The following AKR1C8 variants were observed in gnomAD, a reference collection of about 807,000 sequenced individuals.
The protein encoded by AKR1C8 is aldo-keto reductase family 1 member C-like protein 1.
chr10:5,179,454 A>G, the AKR1C8 span, among the ~76,000 whole-genome samples: 11 of 152,140 alleles, frequency 7.2e-5, no homozygotes, highest in East Asian at 1.2e-3. Context: ...ACAATTATGT[A>G]TCTTGGAGTT....
At chr10:5,121,806 A>G in the AKR1C8 span, among the ~76,000 whole-genome samples, 1 of 152,162 alleles carries the variant, frequency 6.6e-6, no homozygotes, top group African/African-American at 2.4e-5. Context: ...TCTAATGGGT[A>G]AGAGCGTCCA....
At chr10:5,150,493 A>T in the AKR1C8 span, among the ~76,000 whole-genome samples, 3 of 152,096 alleles carry the variant, frequency 2.0e-5, no homozygotes, top group Non-Finnish European at 4.4e-5. Context: ...CACTCAAAGA[A>T]AGTTAAACAC....
At chr10:5,161,430 T>C in the AKR1C8 span, among the ~76,000 whole-genome samples, 1 of 152,152 alleles carries the variant, frequency 6.6e-6, no homozygotes, top group South Asian at 2.1e-4. Flanking sequence ...CAGGTATCTC[T>C]CTTTTGTTGG....
the AKR1C8 span, among the ~76,000 whole-genome samples, chr10:5,182,707 C>G: frequency 6.6e-6 from 1 of 151,918 alleles, no homozygotes; most frequent in South Asian, 2.1e-4. Context: ...CTCAGGAGTT[C>G]GAGACCAGCC....
At chr10:5,128,356 T>C in the AKR1C8 span, among the ~76,000 whole-genome samples, 2 of 152,108 alleles carry the variant, frequency 1.3e-5, no homozygotes. Context: ...ACAAATCCTA[T>C]AAAACAATAA....
the AKR1C8 span, chr10:5,132,454 T>G: frequency 3.0e-6 from 2 of 677,408 alleles, no homozygotes; most frequent in Non-Finnish European, 4.2e-6. Context: ...TTTGCCGCCT[T>G]TTATTTTAGT....
the AKR1C8 span, among the ~76,000 whole-genome samples, chr10:5,165,382 C>A: frequency 6.6e-6 from 1 of 152,108 alleles, no homozygotes; most frequent in East Asian, 1.9e-4. Flanking sequence ...CCCTACAACA[C>A]CTCCTAGGGG....
At chr10:5,183,481 C>A in the AKR1C8 span, among the ~76,000 whole-genome samples, 3 of 152,278 alleles carry the variant, frequency 2.0e-5, no homozygotes, top group African/African-American at 7.2e-5. Context: ...CAAATTATTT[C>A]TTCTCACATA....
At chr10:5,145,067 G>A in the AKR1C8 span, among the ~76,000 whole-genome samples, 1 of 151,790 alleles carries the variant, frequency 6.6e-6, no homozygotes, top group Non-Finnish European at 1.5e-5. Flanking sequence ...TTTATTGAGA[G>A]TTTTTAGCAT....
At chr10:5,161,725 A>G in the AKR1C8 span, 31 of 534,468 alleles carry the variant, frequency 5.8e-5, no homozygotes, top group South Asian at 3.8e-4. Context: ...AGTTTTGGCA[A>G]TCCTATGCAC....
At chr10:5,130,762 C>A in the AKR1C8 span, among the ~76,000 whole-genome samples, 22 of 151,794 alleles carry the variant, frequency 1.4e-4, no homozygotes, top group Non-Finnish European at 3.2e-4. Context: ...TAAAACACTG[C>A]TAAAAGAAAT....
the AKR1C8 span, among the ~76,000 whole-genome samples, chr10:5,153,912 A>G: frequency 6.6e-6 from 1 of 152,348 alleles, no homozygotes; most frequent in East Asian, 1.9e-4. Flanking sequence ...TAAGGAAAGA[A>G]TTACAGGTCT....
the AKR1C8 span, among the ~76,000 whole-genome samples, chr10:5,175,907 T>C: frequency 1.5e-3 from 226 of 152,274 alleles, 1 homozygote; most frequent in African/African-American, 5.1e-3. Flanking sequence ...GTTGCGAAAA[T>C]TTTCTCCCAT....
chr10:5,141,239 T>C, the AKR1C8 span, among the ~76,000 whole-genome samples: 1 of 152,170 alleles, frequency 6.6e-6, no homozygotes, highest in African/African-American at 2.4e-5. Context: ...CTTAATCTCT[T>C]AAAGTTTTAT....
chr10:5,131,317 AAAAT>A, the AKR1C8 span, among the ~76,000 whole-genome samples: 2 of 152,154 alleles, frequency 1.3e-5, no homozygotes, highest in Non-Finnish European at 2.9e-5. Context: ...ACAAAAAACA[AAAAT>A]AAATAAATGG....
the AKR1C8 span, among the ~76,000 whole-genome samples, chr10:5,127,119 G>C: frequency 6.6e-6 from 1 of 151,706 alleles, no homozygotes; most frequent in Non-Finnish European, 1.5e-5. Context: ...TCCAAACTAA[G>C]ATAAAATATT....
At chr10:5,172,573 T>G in the AKR1C8 span, among the ~76,000 whole-genome samples, 1 of 152,128 alleles carries the variant, frequency 6.6e-6, no homozygotes, top group South Asian at 2.1e-4. Context: ...TTGTTTGGGC[T>G]GAGTTTTACT....
At chr10:5,172,776 A>G in the AKR1C8 span, among the ~76,000 whole-genome samples, 1 of 152,130 alleles carries the variant, frequency 6.6e-6, no homozygotes, top group East Asian at 1.9e-4. Context: ...TTTTCTTAAA[A>G]ATATTTAAGT....
chr10:5,145,015 G>C, the AKR1C8 span, among the ~76,000 whole-genome samples: 1 of 151,470 alleles, frequency 6.6e-6, no homozygotes, highest in African/African-American at 2.4e-5. Context: ...GTTTGTCATA[G>C]ATAGCTCTTA....
Sources: gnomAD v4.1 joint callset for allele counts (sites outside exome capture counted in the v4.1 genomes callset) on GRCh38, gnomAD v4.1.1 for gene constraint, MANE v1.5 for transcripts, NCBI Gene and HGNC (gene_info 2026-07-23, HGNC 2026-07-21) for gene names.